The following XPO6 variants were observed in gnomAD, a reference collection of about 807,000 sequenced individuals.
XPO6 encodes the protein exportin-6.
Under a neutral mutation model 130.0 loss-of-function variants are expected in XPO6, and 3 were observed. That is an observed-to-expected ratio of 0.02 (90% CI 0.01 to 0.06). XPO6 has a LOEUF of 0.06. Among genes scored for constraint, XPO6 ranks in the 10% least tolerant of loss-of-function variants. The pLI, the probability that XPO6 is intolerant of heterozygous loss-of-function variation, is 1.00. For synonymous variants in XPO6, 524 were observed against 548.9 expected, an observed-to-expected ratio of 0.95 and a Z score of 0.63; for missense variants, 970 against 1,393.0, an observed-to-expected ratio of 0.70 and a Z score of 4.83.
chr16:28,165,713 G>A (rs2043346668), intron 6 of XPO6, among the ~76,000 whole-genome samples: 1 of 152,182 alleles, frequency 6.6e-6, no homozygotes, highest in Non-Finnish European at 1.5e-5. Flanking sequence ...AGGAGAAGAT[G>A]TGGAAATATT....
rs2043418433 is a variant in XPO6 at position 28,169,697 on chromosome 16, C to T, written c.565+53G>A. On this transcript the variant is annotated intron_variant, in intron 5 of 23. Coordinates refer to ENST00000304658, the MANE Select transcript of XPO6 (RefSeq NM_015171.4). ...AAGCTGCTGAGTGCCAAGGCCTGAACTCTGGGTGCCTGCGGGCAGGCCTCT... is the reference window on the plus strand; with the variant it reads ...AAGCTGCTGAGTGCCAAGGCCTGAATTCTGGGTGCCTGCGGGCAGGCCTCT... 5.0e-6 allele frequency: 8 copies of T among 1,599,488 alleles called. No homozygotes were observed. The East Asian group carries it at 1.8e-4, about 36-fold the overall frequency.
At chr16:28,108,876 C>T (rs2086847591) in intron 17 of XPO6, among the ~76,000 whole-genome samples, 1 of 152,240 alleles carries the variant, frequency 6.6e-6, no homozygotes, top group Non-Finnish European at 1.5e-5. Context: ...AGAGCATCGC[C>T]CCACTCACAG....
chr16:28,187,854 T>A (rs760911071), intron 1 of XPO6, among the ~76,000 whole-genome samples: 1 of 151,924 alleles, frequency 6.6e-6, no homozygotes, highest in Non-Finnish European at 1.5e-5. Context: ...CTTTACATTT[T>A]CCCCTTTAAG....
intron 1 of XPO6, among the ~76,000 whole-genome samples, chr16:28,195,495 G>A (rs1724152179): frequency 6.6e-6 from 1 of 152,200 alleles, no homozygotes; most frequent in Non-Finnish European, 1.5e-5. Context: ...GCTCACACCT[G>A]TAATCCCAGC....
chr16:28,114,796 G>A (rs1307461075), intron 15 of XPO6, among the ~76,000 whole-genome samples: 1 of 152,316 alleles, frequency 6.6e-6, no homozygotes, highest in Admixed American at 6.5e-5. Flanking sequence ...TTTGCCCACA[G>A]TAGAACTTCT....
At chr16:28,176,132 T>C (rs372800014) in intron 3 of XPO6, 37 bp from the exon 4 acceptor site, 12 of 1,598,798 alleles carry the variant, frequency 7.5e-6, no homozygotes, top group African/African-American at 2.7e-5. Flanking sequence ...GTTAACAACC[T>C]ATACACAAAA....
At chr16:28,134,485 G>A (rs933085020) in intron 10 of XPO6, among the ~76,000 whole-genome samples, 5 of 152,118 alleles carry the variant, frequency 3.3e-5, no homozygotes, top group Admixed American at 2.6e-4. Context: ...GGACATTAAG[G>A]CTCACAGAAA....
At chr16:28,117,874 T>C (rs565465276) in intron 14 of XPO6, among the ~76,000 whole-genome samples, 42 of 152,198 alleles carry the variant, frequency 2.8e-4, no homozygotes, top group Non-Finnish European at 4.4e-4. Context: ...AAACAGAGCT[T>C]TGATGTCAGA....
chr16:28,118,937 A>C (rs2087148961), intron 14 of XPO6, among the ~76,000 whole-genome samples: 2 of 152,180 alleles, frequency 1.3e-5, no homozygotes, highest in South Asian at 4.1e-4. Flanking sequence ...GGGAAAACGG[A>C]TAGGATTGCT....
At chr16:28,180,263 G>T (rs988458942) in intron 2 of XPO6, among the ~76,000 whole-genome samples, 3 of 152,166 alleles carry the variant, frequency 2.0e-5, no homozygotes, top group Admixed American at 6.5e-5. Context: ...AACTCGGGAG[G>T]CTGAGACAGG....
rs2086929754 is a variant in XPO6, at chr16:28,111,859, G to A, written c.2299C>T (p.Pro767Ser). ...TTTCTCTGTGGGGCAACAGCACTGG[G>A]CTTCAGGTTGCGATAGTCCCGGGAG... is the stretch of plus-strand genomic sequence containing the variant. Reference protein sequence around the residue: ...ALSRDYRNLKPSAVAPQRKMP... With the variant: ...ALSRDYRNLKSSAVAPQRKMP... The change falls in exon 17 of 24, where the codon CCC (proline) becomes TCC (serine). Residue 767 changes from proline to serine, a missense_variant. By Grantham distance (74) the Pro-to-Ser change is moderately conservative. Around this residue, in one of 4 missense-constraint regions of XPO6, gnomAD observed 936 missense variants for 1,306.8 expected, o/e 0.72. Coordinates refer to ENST00000304658, the MANE Select transcript of XPO6 (RefSeq NM_015171.4). 1.2e-6 allele frequency: 2 copies of A among 1,614,160 alleles called. No homozygotes were observed. The highest frequency in any genetic ancestry group is 1.7e-6 in the Non-Finnish European group (2 of 1,180,020).
At chr16:28,163,041 T>C (rs1280128004) in intron 6 of XPO6, among the ~76,000 whole-genome samples, 3 of 152,186 alleles carry the variant, frequency 2.0e-5, no homozygotes, top group African/African-American at 7.2e-5. Flanking sequence ...ACTCACTAGA[T>C]GCCAATAGCA....
At chr16:28,159,241 AAAAAG>A (rs1321376709) in intron 6 of XPO6, among the ~76,000 whole-genome samples, 3 of 152,124 alleles carry the variant, frequency 2.0e-5, no homozygotes, top group Non-Finnish European at 4.4e-5. Context: ...TAAAAAAAGA[AAAAAG>A]AAAAGAAGAA....
At position 28,211,398 on chromosome 16, in the gene XPO6, G is replaced by C. The variant is rs1283263206; in HGVS notation, c.-30C>G. The C allele has an allele frequency of 1.5e-6, 2 of 1,312,124 alleles. No homozygotes were observed. Among genetic ancestry groups the C allele is most frequent in the African/African-American group, 3.0e-5 (2 of 66,380 alleles). 81.3% of individuals were successfully genotyped at this position (1,312,124 alleles called of 1,614,324 possible). A position where few individuals can be genotyped will look rare whatever the true frequency, so the allele number is the denominator to read the frequency against. ...GCCGGGGAGGGGGCGGCTCAGATGA[G>C]CTGGTTCTTGGGCTTCGGACACGTC... On this transcript the variant is annotated 5_prime_UTR_variant, in exon 1 of 24. Transcript: ENST00000304658.
At chr16:28,111,138 G>C (rs772859623) in intron 17 of XPO6, 1 of 152,174 alleles carries the variant, frequency 6.6e-6, no homozygotes, top group Non-Finnish European at 1.5e-5. Flanking sequence ...AAAGAGTATA[G>C]TATTTATTAC....
Position 28,156,190 on chromosome 16 carries a change from C to T in XPO6, c.981G>A (p.Met327Ile), listed in dbSNP as rs375332844. Residue 327 changes from methionine (M) to isoleucine (I), a missense_variant, in exon 7 of 24, where the codon ATG (methionine) becomes ATA (isoleucine). By Grantham distance (10) the Met-to-Ile change is conservative. Transcript: ENST00000304658. ...TACGCAGTAAATACTCCTCAAATTC[C>T]ATAGGCACACAGTTCTTGGACATGA... ...NELMSKNCVP[M>I]EFEEYLLRMF... 6.2e-7 allele frequency: 1 copy of T among 1,614,162 alleles called. No homozygotes were observed. The highest frequency in any genetic ancestry group is 8.5e-7 in the Non-Finnish European group (1 of 1,180,018).
chr16:28,192,787 T>C (rs960335565), intron 1 of XPO6, among the ~76,000 whole-genome samples: 1 of 152,108 alleles, frequency 6.6e-6, no homozygotes, highest in African/African-American at 2.4e-5. Context: ...CCCCTGAATG[T>C]AGGCTAAAGC....
rs188653374 is a variant in XPO6 at position 28,159,675 on chromosome 16, T to A, written c.644-3148A>T. ...GAATTAAGAGGGTGCGCTAGCTAAC[T>A]TTCCCATCTTTCACAAGGAAGAAGT... On this transcript the variant is annotated intron_variant, in intron 6 of 23. Coordinates refer to ENST00000304658, the MANE Select transcript of XPO6 (RefSeq NM_015171.4). Among the ~76,000 whole-genome samples, 465 of 152,342 alleles carry A rather than the reference T, an allele frequency of 3.1e-3. 1 individual carries two copies. The highest frequency in any genetic ancestry group is 5.6e-3 in the Non-Finnish European group (381 of 68,026).
chr16:28,163,237 G>A (rs1322002177), intron 6 of XPO6, among the ~76,000 whole-genome samples: 1 of 152,164 alleles, frequency 6.6e-6, no homozygotes, highest in Non-Finnish European at 1.5e-5. Flanking sequence ...CTTTCTATAG[G>A]TAGTATACAA....
Sources: gnomAD v4.1 joint callset for allele counts (sites outside exome capture counted in the v4.1 genomes callset) on GRCh38, gnomAD v4.1.1 for gene constraint, gnomAD v4.1.1 regional missense constraint, MANE v1.5 for transcripts, NCBI Gene and HGNC (gene_info 2026-07-23, HGNC 2026-07-21) for gene names.